Variants in SEMA3A observed in about 807,000 individuals in gnomAD.
SEMA3A encodes semaphorin-3A.
In SEMA3A, 29 loss-of-function variants were observed where a neutral mutation model predicts 97.9. That is an observed-to-expected ratio of 0.30 (90% CI 0.22 to 0.40). The LOEUF (loss-of-function observed/expected upper bound fraction) is 0.40, where lower values mean the gene tolerates loss of function less well. SEMA3A is among the 10% of genes least tolerant of loss of function. SEMA3A has a pLI of 1.00. For synonymous variants in SEMA3A, 321 were observed against 323.7 expected (o/e 0.99, Z 0.09); for missense variants, 763 against 951.3 (o/e 0.80, Z 2.60).
At chr7:83,978,880 T>TA (rs1484710983) in intron 14 of SEMA3A, among the ~76,000 whole-genome samples, 1 of 152,204 alleles carries the variant, frequency 6.6e-6, no homozygotes, top group East Asian at 1.9e-4. Context: ...TTGGATTAAG[T>TA]AAAATCTGTA....
At chr7:84,386,131 C>T (rs1462371863) in intron 1 of SEMA3A, among the ~76,000 whole-genome samples, 1 of 152,116 alleles carries the variant, frequency 6.6e-6, no homozygotes, top group Non-Finnish European at 1.5e-5. Context: ...TCAACTGATA[C>T]CAAACATATT....
chr7:84,338,939 A>G (rs1039568130), intron 2 of SEMA3A, among the ~76,000 whole-genome samples: 5 of 152,166 alleles, frequency 3.3e-5, no homozygotes, highest in Non-Finnish European at 1.5e-5. Flanking sequence ...AACATGTTTT[A>G]GGTTATTTTC....
intron 11 of SEMA3A, among the ~76,000 whole-genome samples, chr7:84,002,368 A>G (rs10250543): frequency 0.24 from 36,145 of 152,046 alleles, 4,427 homozygotes; most frequent in South Asian, 0.31. Flanking sequence ...GATTGCCTGG[A>G]TTGGATCAAT....
At chr7:84,357,485 A>G (rs1396213958) in intron 2 of SEMA3A, among the ~76,000 whole-genome samples, 1 of 152,146 alleles carries the variant, frequency 6.6e-6, no homozygotes, top group East Asian at 1.9e-4. Context: ...TTATGGCTGC[A>G]TAGTATTCCA....
At chr7:84,127,683 C>T (rs1431372843) in intron 3 of SEMA3A, among the ~76,000 whole-genome samples, 2 of 152,174 alleles carry the variant, frequency 1.3e-5, no homozygotes. Flanking sequence ...CACCTATAGG[C>T]AACATTGCTG....
intron 2 of SEMA3A, among the ~76,000 whole-genome samples, chr7:84,321,661 G>A (rs922995782): frequency 1.3e-5 from 2 of 151,892 alleles, no homozygotes; most frequent in Non-Finnish European, 2.9e-5. Flanking sequence ...CAGATCATGG[G>A]GTCAGGAGAT....
chr7:83,987,172 TTCACACA>T (rs1430949478), intron 12 of SEMA3A, among the ~76,000 whole-genome samples: 2 of 151,502 alleles, frequency 1.3e-5, no homozygotes, highest in African/African-American at 4.8e-5. Flanking sequence ...TGTGAGTTTC[TTCACACA>T]TCCTAAAGCA....
At chr7:83,966,840 T>C (rs1788715652) in intron 15 of SEMA3A, among the ~76,000 whole-genome samples, 1 of 152,100 alleles carries the variant, frequency 6.6e-6, no homozygotes, top group Admixed American at 6.6e-5. Context: ...GACTCCCTAG[T>C]AGCTGGGATT....
At chr7:84,031,155 G>C (rs68158025) in intron 6 of SEMA3A, among the ~76,000 whole-genome samples, 1,648 of 151,722 alleles carry the variant, frequency 0.011, 15 homozygotes, top group Non-Finnish European at 0.017. Context: ...ACCACGCCTC[G>C]CTAGTTTTTT....
chr7:84,069,427 C>G (rs2115745101), intron 4 of SEMA3A, among the ~76,000 whole-genome samples: 1 of 152,228 alleles, frequency 6.6e-6, no homozygotes, highest in East Asian at 1.9e-4. Flanking sequence ...ATAGTTGTTA[C>G]AGTAAACTTA....
intron 1 of SEMA3A, among the ~76,000 whole-genome samples, chr7:84,158,148 CTTTTTTTTTTTTTTTTTTTTTTTTGAGA>C: frequency 1.2e-5 from 1 of 82,296 alleles, no homozygotes; most frequent in South Asian, 5.0e-4. Context: ...ACAGCTAATT[CTTTTTTTTTTTTTTTTTTTTTTTTGAGA>C]TGGAGTCTCA....
At chr7:84,199,201 G>T (rs933722376), upstream of SEMA3A, among the ~76,000 whole-genome samples, 4 of 152,156 alleles carry the variant, frequency 2.6e-5, no homozygotes, top group African/African-American at 9.7e-5. Context: ...GTCCAGAAAA[G>T]AATATAAGGA....
intron 2 of SEMA3A, among the ~76,000 whole-genome samples, chr7:84,133,674 G>T (rs1304708209): frequency 6.6e-6 from 1 of 151,900 alleles, no homozygotes; most frequent in Non-Finnish European, 1.5e-5. Context: ...TGATAAAATG[G>T]TTCACTTAGA....
intron 1 of SEMA3A, among the ~76,000 whole-genome samples, chr7:84,187,224 C>T (rs1008103793): frequency 6.6e-6 from 1 of 152,214 alleles, no homozygotes; most frequent in Admixed American, 6.5e-5. Context: ...ATTACACTTA[C>T]AACTTCATTT....
chr7:84,348,003 C>T (rs1367680649), intron 2 of SEMA3A, among the ~76,000 whole-genome samples: 2 of 152,076 alleles, frequency 1.3e-5, no homozygotes. Flanking sequence ...ATGTTTAAAA[C>T]ATTAATGAGA....
chr7:84,249,321 G>C (rs1799543675), intron 3 of SEMA3A, among the ~76,000 whole-genome samples: 1 of 151,518 alleles, frequency 6.6e-6, no homozygotes, highest in African/African-American at 2.4e-5. Flanking sequence ...AAATTAGTAA[G>C]GAGGAGATTT....
intron 4 of SEMA3A, among the ~76,000 whole-genome samples, chr7:84,088,226 C>T (rs1208048804): frequency 2.6e-5 from 4 of 151,966 alleles, no homozygotes; most frequent in African/African-American, 7.2e-5. Context: ...GAGGCCGAGG[C>T]GGGTGGATCA....
intron 4 of SEMA3A, among the ~76,000 whole-genome samples, chr7:84,063,128 C>A (rs1298144065): frequency 6.6e-6 from 1 of 152,114 alleles, no homozygotes; most frequent in South Asian, 2.1e-4. Flanking sequence ...CCTAAGCAAC[C>A]TAACTGTGAG....
At chr7:84,053,791 G>C (rs201876983) in intron 5 of SEMA3A, among the ~76,000 whole-genome samples, 71,450 of 124,600 alleles carry the variant, frequency 0.57, 23,036 homozygotes, top group East Asian at 0.81. Flanking sequence ...TTAATTGATG[G>C]AGTTTCTTCC....
Sources: allele counts gnomAD v4.1 joint callset (sites outside exome capture counted in the v4.1 genomes callset), GRCh38; gene constraint gnomAD v4.1.1; transcripts MANE v1.5; gene names NCBI Gene and HGNC (gene_info 2026-07-23, HGNC 2026-07-21).